GRIN2A: variants seen among roughly 807,000 people sequenced by gnomAD.
GRIN2A encodes the protein glutamate ionotropic receptor NMDA type subunit 2A, also known as glutamate receptor ionotropic, NMDA 2A.
GRIN2A carries 22 observed loss-of-function variants against 113.4 expected under a neutral mutation model. The observed-to-expected ratio is 0.19, with a 90% CI of 0.14 to 0.28. GRIN2A has a LOEUF of 0.28. GRIN2A is among the 10% of genes least tolerant of loss of function. GRIN2A has a pLI of 1.00. For synonymous variants in GRIN2A, 827 were observed against 738.4 expected, an observed-to-expected ratio of 1.12 and a Z score of -1.94; for missense variants, 1,502 against 1,887.0, an observed-to-expected ratio of 0.80 and a Z score of 3.78.
chr16:10,175,377 A>C (rs1325400322), intron 2 of GRIN2A, among the ~76,000 whole-genome samples: 4 of 152,232 alleles, frequency 2.6e-5, no homozygotes, highest in Non-Finnish European at 5.9e-5. Context: ...CCTCTAAGAA[A>C]GTCCACAGAG....
chr16:10,016,238 G>C (rs995065285), intron 2 of GRIN2A, among the ~76,000 whole-genome samples: 1 of 152,072 alleles, frequency 6.6e-6, no homozygotes, highest in Non-Finnish European at 1.5e-5. Flanking sequence ...AGTGGAGTGG[G>C]GGACAGTCAG....
chr16:10,118,663 C>G (rs1219826682), intron 2 of GRIN2A, among the ~76,000 whole-genome samples: 1 of 152,156 alleles, frequency 6.6e-6, no homozygotes, highest in Non-Finnish European at 1.5e-5. Context: ...TATCTAAAAA[C>G]TTGGGTTCTT....
At chr16:10,082,786 G>A (rs538570273) in intron 2 of GRIN2A, among the ~76,000 whole-genome samples, 2 of 152,354 alleles carry the variant, frequency 1.3e-5, no homozygotes, top group East Asian at 3.9e-4. Context: ...TGATACACAA[G>A]CCAAGAACAA....
intron 4 of GRIN2A, among the ~76,000 whole-genome samples, chr16:9,858,053 G>T (rs186710105): frequency 7.0e-4 from 106 of 152,258 alleles, no homozygotes; most frequent in African/African-American, 2.5e-3. Context: ...GAATAGGCAC[G>T]TGTCCTTTAT....
chr16:10,080,774 C>A (rs893253559), intron 2 of GRIN2A, among the ~76,000 whole-genome samples: 6 of 152,148 alleles, frequency 3.9e-5, no homozygotes, highest in African/African-American at 1.4e-4. Context: ...TCTTACCATC[C>A]AAACACCCAC....
intron 2 of GRIN2A, among the ~76,000 whole-genome samples, chr16:10,022,680 T>C (rs775275357): frequency 3.9e-5 from 6 of 152,204 alleles, no homozygotes; most frequent in Non-Finnish European, 8.8e-5. Context: ...ATTTTGAGGA[T>C]GATAAATAAG....
At chr16:9,893,393 T>C (rs1047852196) in intron 3 of GRIN2A, among the ~76,000 whole-genome samples, 10 of 152,218 alleles carry the variant, frequency 6.6e-5, no homozygotes. Flanking sequence ...GAACAAAGGA[T>C]AATCACTATT....
In GRIN2A at chr16:10,042,451, T is replaced by G. The variant is rs2047181955; in HGVS notation, c.415-103900A>C. On this transcript the variant is annotated intron_variant, in intron 2 of 12. Transcript: ENST00000330684. ...AGCAGCCTCGGAAACAAGCCATCCA[T>G]GCCAGCCAGTCCTCCAGCCTCAGTC... Among the ~76,000 whole-genome samples the G allele has an allele frequency of 2.0e-5, 3 of 152,252 alleles. No individual in the cohort carries two copies. The South Asian group carries it at 6.2e-4, about 32-fold the overall frequency.
chr16:10,142,811 TCA>T (rs1053250316), intron 2 of GRIN2A, among the ~76,000 whole-genome samples: 23 of 152,356 alleles, frequency 1.5e-4, no homozygotes, highest in African/African-American at 5.5e-4. Flanking sequence ...ATGATCTCTC[TCA>T]GTCACATTCC....
intron 2 of GRIN2A, among the ~76,000 whole-genome samples, chr16:9,987,401 G>C (rs1405766388): frequency 1.3e-5 from 2 of 152,116 alleles, no homozygotes; most frequent in Admixed American, 6.6e-5. Context: ...GAATAATGTT[G>C]TTTTCTTTGT....
chr16:9,873,780 T>C (rs1028045691), intron 4 of GRIN2A, among the ~76,000 whole-genome samples: 9 of 152,192 alleles, frequency 5.9e-5, no homozygotes, highest in Non-Finnish European at 8.8e-5. Flanking sequence ...CAAAACTAAT[T>C]GTTGCCCTGC....
At chr16:10,061,899 C>T (rs557233135) in intron 2 of GRIN2A, among the ~76,000 whole-genome samples, 1 of 152,168 alleles carries the variant, frequency 6.6e-6, no homozygotes, top group Non-Finnish European at 1.5e-5. Context: ...CAAAATGGGA[C>T]GTATTCAGCC....
At chr16:10,072,946 C>CACCTTTT (rs565877354) in intron 2 of GRIN2A, among the ~76,000 whole-genome samples, 16 of 104,230 alleles carry the variant, frequency 1.5e-4, no homozygotes, top group Non-Finnish European at 2.6e-4. Context: ...ACAAGACCCC[C>CACCTTTT]TTTTTTTTTT....
At chr16:10,077,458 A>G (rs935244300) in intron 2 of GRIN2A, among the ~76,000 whole-genome samples, 61 of 151,862 alleles carry the variant, frequency 4.0e-4, no homozygotes, top group African/African-American at 1.4e-3. Context: ...TACATCCCAC[A>G]CTCTCACCAC....
intron 2 of GRIN2A, among the ~76,000 whole-genome samples, chr16:10,125,569 C>G (rs1324450217): frequency 1.3e-5 from 2 of 150,060 alleles, no homozygotes; most frequent in Admixed American, 6.7e-5. Context: ...TACAGCAAGT[C>G]TGAAGGCTGA....
At chr16:9,857,299 T>G (rs2042985858) in intron 4 of GRIN2A, among the ~76,000 whole-genome samples, 1 of 152,218 alleles carries the variant, frequency 6.6e-6, no homozygotes, top group Non-Finnish European at 1.5e-5. Context: ...TGGGTTTTAG[T>G]TGACAATAAT....
intron 2 of GRIN2A, among the ~76,000 whole-genome samples, chr16:9,987,361 G>A (rs2045998508): frequency 6.6e-6 from 1 of 152,108 alleles, no homozygotes; most frequent in East Asian, 1.9e-4. Context: ...TTATAACTCA[G>A]AAACTATGGA....
Position 9,849,939 on chromosome 16 carries a change from G to A in GRIN2A, c.1145C>T (p.Thr382Met), listed in dbSNP as rs1394587285. The A allele has an allele frequency of 6.8e-6, 11 of 1,613,846 alleles. No homozygotes were observed. The highest frequency in any genetic ancestry group is 4.5e-5 in the East Asian group (2 of 44,858). ...WEKVGKWENH[T>M]LSLRHAVWPR... is the part of the protein sequence containing the mutation. ...CCACACGGCGTGCCTCAGGCTCAGC[G>A]TATGGTTCTCCCACTTGCCCACCTG... Residue 382 changes from threonine to methionine, a missense_variant, in exon 5 of 13, where the codon ACG becomes ATG. Physicochemically the swap from Thr to Met is moderately conservative, Grantham distance 81 (BLOSUM62 -1). Coordinates refer to ENST00000330684, the MANE Select transcript of GRIN2A (RefSeq NM_001134407.3).
At chr16:10,105,565 C>A (rs1485992675) in intron 2 of GRIN2A, among the ~76,000 whole-genome samples, 1 of 151,978 alleles carries the variant, frequency 6.6e-6, no homozygotes, top group East Asian at 1.9e-4. Flanking sequence ...GATTTGGAAG[C>A]CCTTATAACC....
Sources: allele counts gnomAD v4.1 joint callset (sites outside exome capture counted in the v4.1 genomes callset), GRCh38; gene constraint gnomAD v4.1.1; transcripts MANE v1.5; gene names NCBI Gene and HGNC (gene_info 2026-07-23, HGNC 2026-07-21).